Variants in CNOT1 observed in about 807,000 individuals in gnomAD.
CNOT1 encodes the protein CCR4-NOT transcription complex subunit 1, also known as CCR4-associated factor 1.
Under a neutral mutation model 273.8 loss-of-function variants are expected in CNOT1, and 15 were observed. The ratio of observed to expected loss-of-function variants is 0.05; its 90% CI spans 0.04 to 0.08. CNOT1 has a LOEUF of 0.08. CNOT1 is among the 10% of genes least tolerant of loss of function. CNOT1 has a pLI of 1.00. For missense variants in CNOT1, 1,644 were observed against 2,912.2 expected (o/e 0.56, Z 10.02); for synonymous variants, 1,022 against 1,005.5 (o/e 1.02, Z -0.31).
At position 58,530,367 on chromosome 16, in the gene CNOT1, A is replaced by C. The variant is rs1160230767; in HGVS notation, c.6178-20T>G. ...CCACCCCTGAAAGAAAGAAATGTAC[A>C]TGAGTCATAATTATACTCAGCTGTT... On this transcript the variant is annotated intron_variant, in intron 42 of 48. Coordinates refer to ENST00000317147, the MANE Select transcript of CNOT1 (RefSeq NM_016284.5). 1 of 1,576,142 alleles carries C rather than the reference A, an allele frequency of 6.3e-7. No homozygotes were observed. Among genetic ancestry groups the C allele is most frequent in the African/African-American group, 1.3e-5 (1 of 74,092 alleles).
chr16:58,528,628 C>T lies in CNOT1; in HGVS notation c.6300G>A (p.Leu2100=). Residue 2100 remains leucine, a synonymous_variant, in exon 44 of 49, where the codon CTG becomes CTA. Coordinates refer to ENST00000317147, the MANE Select transcript of CNOT1 (RefSeq NM_016284.5). ...ILYKGTLRVL[L]VLLHDFPEFL... Reference sequence around the variant, plus strand: ...ACTCTGGGAAATCATGCAAAAGAACCAGCAGCACTCTTAAAGTGCCCTATT... The same window carrying T: ...ACTCTGGGAAATCATGCAAAAGAACTAGCAGCACTCTTAAAGTGCCCTATT... 1.9e-6 allele frequency: 3 copies of T among 1,612,684 alleles called. No homozygotes were observed. In the Admixed American group the frequency reaches 5.0e-5, roughly 27 times the overall value.
intron 22 of CNOT1, 70 bp from the exon 23 acceptor site, chr16:58,551,889 T>C: frequency 6.3e-7 from 1 of 1,575,438 alleles, no homozygotes; most frequent in South Asian, 1.1e-5. Context: ...CCCTCTTTTC[T>C]GAGAGGGTAA....
intron 1 of CNOT1, among the ~76,000 whole-genome samples, chr16:58,612,610 G>A (rs1049785046): frequency 1.3e-5 from 2 of 152,094 alleles, no homozygotes; most frequent in Admixed American, 6.6e-5. Flanking sequence ...ATGGTGGCAT[G>A]CACCTGTAAT....
intron 38 of CNOT1, among the ~76,000 whole-genome samples, chr16:58,537,445 A>C (rs1258164583): frequency 6.6e-6 from 1 of 152,222 alleles, no homozygotes; most frequent in African/African-American, 2.4e-5. Flanking sequence ...TTGCCCAAAA[A>C]ACGTGTTCAT....
intron 41 of CNOT1, 52 bp downstream of exon 41, chr16:58,532,180 T>A: frequency 6.2e-7 from 1 of 1,605,910 alleles, no homozygotes; most frequent in South Asian, 1.1e-5. Context: ...CCCAAAATTT[T>A]ACTACATTAA....
intron 6 of CNOT1, 123 bp from the exon 7 acceptor site, chr16:58,586,871 G>T (rs2041890460): frequency 9.0e-7 from 1 of 1,116,234 alleles, no homozygotes; most frequent in Non-Finnish European, 1.3e-6. Flanking sequence ...TCTCTCTAAT[G>T]CTTTCTCTAG....
In CNOT1 at chr16:58,614,694, T is replaced by C. The variant is rs566067553; in HGVS notation, c.-175+15034A>G. Among the ~76,000 whole-genome samples the C allele has an allele frequency of 4.1e-4, 51 of 125,580 alleles. 11 individuals are homozygous for C. Among genetic ancestry groups the C allele is most frequent in the Admixed American group, 2.2e-3 (28 of 12,752 alleles). The allele number at this position is 125,580 out of a possible 152,430, so 82.4% of individuals were successfully genotyped here. The stretch of plus-strand genomic sequence containing the variant: ...TGATTTTGCTTTGTATACTTTGCTA[T>C]AGAAAAACACTTTTTATTGTATTTT... On this transcript the variant is annotated intron_variant, in intron 1 of 48. Transcript: ENST00000317147.
chr16:58,539,326 C>G (rs1343578628), intron 35 of CNOT1, among the ~76,000 whole-genome samples: 1 of 151,984 alleles, frequency 6.6e-6, no homozygotes, highest in African/African-American at 2.4e-5. Flanking sequence ...AGACCTGTCT[C>G]TACAAAAAAA....
At chr16:58,528,692 T>C in intron 43 of CNOT1, 44 bp from the exon 44 acceptor site, 2 of 1,420,300 alleles carry the variant, frequency 1.4e-6, no homozygotes, top group East Asian at 2.3e-5. Flanking sequence ...CTAAGGAAAA[T>C]GGAGTAACAT....
At chr16:58,602,759 A>T (rs60064441) in intron 1 of CNOT1, among the ~76,000 whole-genome samples, 6,519 of 151,720 alleles carry the variant, frequency 0.043, 413 homozygotes, top group East Asian at 0.26. Flanking sequence ...AATAAAAAAA[A>T]TTTTTTTAAA....
In CNOT1 at chr16:58,547,949, CAA is replaced by C. The variant is rs1209192410; in HGVS notation, c.3523-269_3523-268del. 3.9e-5 allele frequency among the ~76,000 whole-genome samples: 6 copies of C among 152,094 alleles called. No individual in the cohort carries two copies. The highest frequency in any genetic ancestry group is 1.4e-4 in the African/African-American group (6 of 41,410). On this transcript the variant is annotated intron_variant, in intron 25 of 48. Transcript: ENST00000317147. This position sits in a 1 kb window ranked among gnomAD's most constrained non-coding sequence, Gnocchi z 4.0. ...CATTGCACAAAATTCAAAAAGAACA[CAA>C]AGTTATGTGCCAGCTATCCTCCCCT...
At chr16:58,576,712 G>C in intron 13 of CNOT1, 130 bp from the exon 14 acceptor site, 1 of 1,400,466 alleles carries the variant, frequency 7.1e-7, no homozygotes, top group Non-Finnish European at 9.5e-7. Flanking sequence ...TTAAGTTCAG[G>C]CCTCAAACTA....
chr16:58,521,589 G>A (rs1417256354), intron 47 of CNOT1, among the ~76,000 whole-genome samples: 1 of 152,176 alleles, frequency 6.6e-6, no homozygotes, highest in Non-Finnish European at 1.5e-5. Context: ...GGGGTGATGG[G>A]GGAGAGGAAG....
At chr16:58,565,139 A>T (rs529411248) in intron 16 of CNOT1, among the ~76,000 whole-genome samples, 1 of 152,074 alleles carries the variant, frequency 6.6e-6, no homozygotes, top group East Asian at 1.9e-4. Context: ...TCTTTTTTTG[A>T]GACAGGGTCT....
intron 2 of CNOT1, among the ~76,000 whole-genome samples, chr16:58,592,340 T>TAA (rs889303835): frequency 1.4e-5 from 2 of 148,086 alleles, no homozygotes; most frequent in African/African-American, 2.5e-5. Flanking sequence ...AAAACTGACT[T>TAA]AAAAAAAAAA....
intron 14 of CNOT1, among the ~76,000 whole-genome samples, chr16:58,575,794 T>A (rs2041439870): frequency 7.7e-6 from 1 of 130,220 alleles, no homozygotes; most frequent in Non-Finnish European, 1.9e-5. Context: ...TAAGATTCTA[T>A]CTCCAAAAAA....
Position 58,610,660 on chromosome 16 carries a change from A to G in CNOT1, c.-174-11149T>C, listed in dbSNP as rs547080467. The stretch of plus-strand genomic sequence containing the variant: ...AGATCGAAACCATCCTGGCTAACAC[A>G]GTGAAACCCTGTCTTTACAAAAATA... On this transcript the variant is annotated intron_variant, in intron 1 of 48. Coordinates refer to ENST00000317147, the MANE Select transcript of CNOT1 (RefSeq NM_016284.5). Among the ~76,000 whole-genome samples the G allele has an allele frequency of 4.7e-4, 71 of 152,012 alleles. No homozygotes were observed. The Middle Eastern group carries it at 0.01, about 22-fold the overall frequency.
At chr16:58,574,416 T>C (rs1171765490) in intron 16 of CNOT1, among the ~76,000 whole-genome samples, 193 bp downstream of exon 16, 1 of 150,552 alleles carries the variant, frequency 6.6e-6, no homozygotes, top group African/African-American at 2.5e-5. Flanking sequence ...TTTGGACCTC[T>C]ACCTCACACC....
Position 58,528,444 on chromosome 16 carries a change from T to TA in CNOT1, c.6453+30dup, listed in dbSNP as rs1567386668. The TA allele has an allele frequency of 2.6e-6, 4 of 1,527,048 alleles. No individual in the cohort carries two copies. The East Asian group carries it at 9.0e-5, about 34-fold the overall frequency. The allele number at this position is 1,527,048 out of a possible 1,614,324, so 94.6% of individuals were successfully genotyped here. Reference sequence around the variant, plus strand: ...GAGAAAGGACTGAAATATTAAGACATAAGTTTTCCTTTAACTAGTTGGAAC... The same window carrying TA: ...GAGAAAGGACTGAAATATTAAGACATAAAGTTTTCCTTTAACTAGTTGGAAC... On this transcript the variant is annotated intron_variant, in intron 44 of 48. Coordinates refer to ENST00000317147, the MANE Select transcript of CNOT1 (RefSeq NM_016284.5).
Sources: allele counts gnomAD v4.1 joint callset (sites outside exome capture counted in the v4.1 genomes callset), GRCh38; gene constraint gnomAD v4.1.1; non-coding constraint Gnocchi (gnomAD v3.1); transcripts MANE v1.5; gene names NCBI Gene and HGNC (gene_info 2026-07-23, HGNC 2026-07-21).